Variants in KALRN observed in about 807,000 individuals in gnomAD.
KALRN encodes the protein kalirin RhoGEF kinase, also known as kalirin.
In KALRN, 70 loss-of-function variants were observed where a neutral mutation model predicts 353.7. The observed-to-expected ratio is 0.20, with a 90% CI of 0.16 to 0.24. The LOEUF (loss-of-function observed/expected upper bound fraction) is 0.24. KALRN is among the 10% of genes least tolerant of loss of function. The pLI is 1.00. For missense variants in KALRN, 2,791 were observed against 3,756.7 expected (o/e 0.74, Z 6.72); for synonymous variants, 1,391 against 1,434.8 (o/e 0.97, Z 0.69).
intron 1 of KALRN, among the ~76,000 whole-genome samples, chr3:124,223,173 C>A (rs2078106837): frequency 6.6e-6 from 1 of 151,782 alleles, no homozygotes; most frequent in South Asian, 2.1e-4. Flanking sequence ...AGAGCAGGAT[C>A]CATTTCTTAT....
chr3:124,509,645 CTT>C (rs925975330), intron 33 of KALRN, among the ~76,000 whole-genome samples: 4 of 152,250 alleles, frequency 2.6e-5, no homozygotes, highest in East Asian at 3.9e-4. Context: ...AAGAAGTTGA[CTT>C]TTTTAAATTA....
At chr3:124,248,442 G>A (rs1185423224) in intron 3 of KALRN, among the ~76,000 whole-genome samples, 2 of 152,184 alleles carry the variant, frequency 1.3e-5, no homozygotes, top group African/African-American at 2.4e-5. Context: ...TTCTGCCAGG[G>A]GACGGAGCAT....
chr3:124,335,154 T>TG (rs1553918120), intron 9 of KALRN, among the ~76,000 whole-genome samples: 1 of 151,452 alleles, frequency 6.6e-6, no homozygotes, highest in African/African-American at 2.4e-5. Context: ...AGCTTGGGGG[T>TG]GGGGGGTTAT....
chr3:124,330,529 C>T (rs1195651454), intron 8 of KALRN, among the ~76,000 whole-genome samples: 1 of 152,006 alleles, frequency 6.6e-6, no homozygotes, highest in Admixed American at 6.6e-5. Flanking sequence ...TAAGAAGCTT[C>T]CATGAATGTG....
At position 124,287,431 on chromosome 3, in the gene KALRN, T is replaced by C. The variant is rs999124172; in HGVS notation, c.970-11360T>C. ...AGCCTCCTTACCAGTCCCTGAACGC[T>C]GATACCCATTTTTTACATCCATCAA... On this transcript the variant is annotated intron_variant, in intron 5 of 59. Coordinates refer to ENST00000682506, the MANE Select transcript of KALRN (RefSeq NM_001388419.1). 2.0e-5 allele frequency among the ~76,000 whole-genome samples: 3 copies of C among 151,856 alleles called. No individual in the cohort carries two copies. In the South Asian group the frequency reaches 6.2e-4, roughly 32 times the overall value.
Position 124,269,028 on chromosome 3 carries a change from G to A in KALRN, c.742G>A (p.Asp248Asn). Reference sequence around the variant, plus strand: ...GCTGAAGGCCCCTGTGGAGGAGCTGGACCGGGAGGGGCAGCGGCTGCTGCA... The same window carrying A: ...GCTGAAGGCCCCTGTGGAGGAGCTGAACCGGGAGGGGCAGCGGCTGCTGCA... ...KVLKAPVEEL[D>N]REGQRLLQCI... The change falls in exon 5 of 60, where the codon GAC becomes AAC. Residue 248 changes from aspartate to asparagine, a missense_variant. This residue lies in a region of KALRN where 366 missense variants were observed against 489.2 expected (regional missense o/e 0.75). Transcript: ENST00000682506. 6.2e-7 allele frequency: 1 copy of A among 1,613,594 alleles called. No individual in the cohort carries two copies. The highest frequency in any genetic ancestry group is 8.5e-7 in the Non-Finnish European group (1 of 1,179,860).
chr3:124,232,514 C>T (rs970304140), intron 2 of KALRN, among the ~76,000 whole-genome samples: 2 of 152,184 alleles, frequency 1.3e-5, no homozygotes, highest in Non-Finnish European at 2.9e-5. Context: ...GCAGCCCCAT[C>T]TGCTGTGGGC....
chr3:124,657,618 A>T, intron 40 of KALRN, 67 bp downstream of exon 40: 1 of 1,412,804 alleles, frequency 7.1e-7, no homozygotes, highest in Non-Finnish European at 1.0e-6. Flanking sequence ...CTCTTCCTGC[A>T]TCTGACTCAA....
chr3:124,590,722 C>G (rs2075686937), intron 34 of KALRN, among the ~76,000 whole-genome samples: 1 of 152,018 alleles, frequency 6.6e-6, no homozygotes, highest in Admixed American at 6.5e-5. Context: ...TCCTTCAGAC[C>G]TAACCCCAGG....
intron 10 of KALRN, among the ~76,000 whole-genome samples, chr3:124,383,064 TG>T (rs1313244810): frequency 6.6e-6 from 1 of 152,214 alleles, no homozygotes; most frequent in Admixed American, 6.5e-5. Flanking sequence ...TTGGGAGCAT[TG>T]GGACAATGTA....
chr3:124,165,882 C>T (rs1309842622), intron 1 of KALRN, among the ~76,000 whole-genome samples: 1 of 152,196 alleles, frequency 6.6e-6, no homozygotes, highest in African/African-American at 2.4e-5. Context: ...ACCATGGCCT[C>T]TTTCTCAAAC....
intron 33 of KALRN, among the ~76,000 whole-genome samples, chr3:124,512,637 C>T (rs60107700): frequency 0.011 from 1,699 of 151,634 alleles, 52 homozygotes; most frequent in Admixed American, 0.048. Context: ...GGAAACAGAG[C>T]AAGTCTCTGT....
chr3:124,366,722 C>T (rs1261710185), intron 10 of KALRN, among the ~76,000 whole-genome samples: 2 of 152,264 alleles, frequency 1.3e-5, no homozygotes, highest in East Asian at 3.9e-4. Flanking sequence ...CTGTTGGGCA[C>T]ACCTCCCAGA....
chr3:124,263,971 G>A (rs1018831080), intron 3 of KALRN, among the ~76,000 whole-genome samples: 2 of 151,292 alleles, frequency 1.3e-5, no homozygotes, highest in Admixed American at 6.6e-5. Flanking sequence ...TATCCAAATT[G>A]TAAACATCCC....
At chr3:124,101,450 C>T (rs763403355) in intron 1 of KALRN, among the ~76,000 whole-genome samples, 3 of 152,190 alleles carry the variant, frequency 2.0e-5, no homozygotes, top group Non-Finnish European at 4.4e-5. Context: ...TTCAAGGCTT[C>T]ATGGTGTTGG....
chr3:124,168,566 G>C (rs974924644), intron 1 of KALRN, among the ~76,000 whole-genome samples: 1 of 152,170 alleles, frequency 6.6e-6, no homozygotes, highest in Non-Finnish European at 1.5e-5. Flanking sequence ...GTTAAACTAG[G>C]GGAATCTCCC....
At chr3:124,615,870 T>C (rs911664386) in intron 34 of KALRN, among the ~76,000 whole-genome samples, 2 of 152,158 alleles carry the variant, frequency 1.3e-5, no homozygotes, top group African/African-American at 2.4e-5. Context: ...TCAGGAGGCT[T>C]AGACTGAACT....
chr3:124,528,061 A>G (rs1252587064), intron 33 of KALRN, among the ~76,000 whole-genome samples: 1 of 152,184 alleles, frequency 6.6e-6, no homozygotes, highest in Non-Finnish European at 1.5e-5. Context: ...TTTGTCCCTA[A>G]GAGGTTTAAA....
At chr3:124,039,789 T>A (rs979205664) in intron 1 of KALRN, among the ~76,000 whole-genome samples, 1 of 152,066 alleles carries the variant, frequency 6.6e-6, no homozygotes, top group African/African-American at 2.4e-5. Context: ...TTTTTTTTTT[T>A]AAGTTATGCT....
Sources: allele counts gnomAD v4.1 joint callset (sites outside exome capture counted in the v4.1 genomes callset), GRCh38; gene constraint gnomAD v4.1.1; regional missense constraint gnomAD v4.1.1; transcripts MANE v1.5; gene names NCBI Gene and HGNC (gene_info 2026-07-23, HGNC 2026-07-21).